Variants in EEF2KMT observed in about 807,000 individuals in gnomAD.
EEF2KMT encodes the protein eukaryotic elongation factor 2 lysine methyltransferase.
Under a neutral mutation model 35.1 loss-of-function variants are expected in EEF2KMT, and 30 were observed. That is an observed-to-expected ratio of 0.85 (90% confidence interval 0.64 to 1.16). EEF2KMT has a LOEUF of 1.16. Among genes scored for constraint, EEF2KMT ranks in the 50% most tolerant of loss-of-function variants. The pLI is 0.00. For synonymous variants in EEF2KMT, 190 were observed against 187.7 expected (o/e 1.01, Z -0.10); for missense variants, 499 against 438.2 (o/e 1.14, Z -1.24).
chr16:5,089,051 C>T (rs369068308), intron 7 of EEF2KMT, 56 bp downstream of exon 7: 77 of 1,608,732 alleles, frequency 4.8e-5, no homozygotes, highest in Admixed American at 2.3e-4. Flanking sequence ...CTTCCACTGG[C>T]GTCCTGCAGG....
chr16:5,096,493 A>C (rs555176679), intron 1 of EEF2KMT, among the ~76,000 whole-genome samples: 31 of 152,206 alleles, frequency 2.0e-4, no homozygotes, highest in Non-Finnish European at 3.8e-4. Context: ...TGTATTTACC[A>C]TGAGCCAGGC....
At position 5,090,949 on chromosome 16, in the gene EEF2KMT, T is replaced by C. The variant is rs1204025304; in HGVS notation, c.343-384A>G. The stretch of plus-strand genomic sequence containing the variant: ...TGTTTTATCTTATTTTTTTTTGAGC[T>C]CTGTCACCCAGGCTGGAGTCAGTGG... On this transcript the variant is annotated intron_variant, in intron 4 of 7. Transcript: ENST00000427587. This position sits in a 1 kb window ranked among gnomAD's most constrained non-coding sequence, Gnocchi z 4.1. Among the ~76,000 whole-genome samples the C allele has an allele frequency of 6.6e-6, 1 of 152,158 alleles. No homozygotes were observed. Among genetic ancestry groups the C allele is most frequent in the Non-Finnish European group, 1.5e-5 (1 of 68,028 alleles).
rs1036350094 is a variant in EEF2KMT, at chr16:5,090,600, G to A, written c.343-35C>T. On this transcript the variant is annotated intron_variant, in intron 4 of 7. Transcript: ENST00000427587. This position sits in a 1 kb window ranked among gnomAD's most constrained non-coding sequence, Gnocchi z 4.1. ...GAGAAGGCGAGAGAGTCAGTCCAGC[G>A]ATCAGAAGGCAAGTGGCTTAGAAGA... is the stretch of plus-strand genomic sequence containing the variant. The A allele has an allele frequency of 7.4e-6, 12 of 1,611,460 alleles. No individual in the cohort carries two copies. Among genetic ancestry groups the A allele is most frequent in the South Asian group, 2.2e-5 (2 of 90,968 alleles).
At chr16:5,092,215 G>GT (rs1317888272) in intron 3 of EEF2KMT, among the ~76,000 whole-genome samples, 2 of 152,146 alleles carry the variant, frequency 1.3e-5, no homozygotes, top group Non-Finnish European at 2.9e-5. Context: ...TGTTGGGAGG[G>GT]TAGGGTTAGG....
intron 7 of EEF2KMT, chr16:5,086,744 C>T (rs1029338602): frequency 6.6e-6 from 1 of 152,222 alleles, no homozygotes; most frequent in African/African-American, 2.4e-5. Flanking sequence ...AATCTCAGCT[C>T]ACTGCAACGC....
intron 1 of EEF2KMT, among the ~76,000 whole-genome samples, chr16:5,096,412 T>C (rs935350894): frequency 6.6e-5 from 10 of 152,224 alleles, no homozygotes; most frequent in Non-Finnish European, 1.5e-4. Flanking sequence ...TGCTGATCCA[T>C]GGTGCCTGGC....
chr16:5,086,387 C>T (rs1361391939), intron 7 of EEF2KMT: 1 of 151,348 alleles, frequency 6.6e-6, no homozygotes, highest in East Asian at 1.9e-4. Context: ...CACACACACA[C>T]AGCTTAGAAG....
intron 7 of EEF2KMT, among the ~76,000 whole-genome samples, chr16:5,088,805 G>A (rs1456768878): frequency 2.0e-5 from 3 of 152,004 alleles, no homozygotes; most frequent in Admixed American, 6.6e-5. Context: ...TGCCCCTCCC[G>A]CCACCTCCAT....
intron 1 of EEF2KMT, among the ~76,000 whole-genome samples, chr16:5,095,998 T>C (rs1957454676): frequency 6.6e-6 from 1 of 152,150 alleles, no homozygotes; most frequent in Non-Finnish European, 1.5e-5. Flanking sequence ...GCTCCCTCCA[T>C]GCCATAAAAG....
chr16:5,093,831 C>T (rs904483814), intron 2 of EEF2KMT, among the ~76,000 whole-genome samples: 1 of 152,214 alleles, frequency 6.6e-6, no homozygotes, highest in African/African-American at 2.4e-5. Context: ...GGGCCCAAAC[C>T]GCCTCCCTCC....
At chr16:5,086,204 G>A (rs1229891464) in intron 7 of EEF2KMT, among the ~76,000 whole-genome samples, 2 of 152,064 alleles carry the variant, frequency 1.3e-5, no homozygotes, top group Non-Finnish European at 2.9e-5. Context: ...GCATGATGGC[G>A]AGTGCCTGTA....
chr16:5,090,439 T>C lies in EEF2KMT; in HGVS notation c.469A>G (p.Thr157Ala). The change falls in exon 5 of 8, where the codon ACT becomes GCT. Residue 157 changes from threonine to alanine, a missense_variant. By Grantham distance (58) the Thr-to-Ala change is moderately conservative. Coordinates refer to ENST00000427587, the MANE Select transcript of EEF2KMT (RefSeq NM_201400.4). This position sits in a 1 kb window ranked among gnomAD's most constrained non-coding sequence, Gnocchi z 4.1. ...EWAIENPAVF[T>A]NRTVLELGSG... ...CCTGCGCCCCGAGGTCACCTGTTAG[T>C]GAAGACTGCCGGGTTCTCGATGGCC... 1 of 1,611,864 alleles carries C rather than the reference T, an allele frequency of 6.2e-7. No individual in the cohort carries two copies.
chr16:5,096,683 C>G (rs1439357533), intron 1 of EEF2KMT, among the ~76,000 whole-genome samples: 1 of 152,206 alleles, frequency 6.6e-6, no homozygotes, highest in African/African-American at 2.4e-5. Context: ...TGGGTCTGAA[C>G]TCTCAACTAC....
chr16:5,085,454 C>A lies in EEF2KMT; in HGVS notation c.*178G>T. ...ACCAGAACTGCTGGCAGAAAGGGGGCACCCACACGCTTAGATAGCCGATGT... is the reference window on the plus strand; with the variant it reads ...ACCAGAACTGCTGGCAGAAAGGGGGAACCCACACGCTTAGATAGCCGATGT... On this transcript the variant is annotated 3_prime_UTR_variant, in exon 8 of 8. Transcript: ENST00000427587. 1.6e-6 allele frequency: 1 copy of A among 616,194 alleles called. No individual in the cohort carries two copies. The highest frequency in any genetic ancestry group is 2.9e-5 in the East Asian group (1 of 34,930). The allele number at this position is 616,194 out of a possible 1,614,324, so 38.2% of individuals were successfully genotyped here. A position where few individuals can be genotyped will look rare whatever the true frequency, so the allele number is the denominator to read the frequency against.
intron 2 of EEF2KMT, 91 bp from the exon 3 acceptor site, chr16:5,093,655 G>T (rs972361776): frequency 6.3e-7 from 1 of 1,585,064 alleles, no homozygotes; most frequent in African/African-American, 1.3e-5. Flanking sequence ...CAAACTCCAG[G>T]CTACCCGATC....
At chr16:5,092,749 G>C (rs1957367428) in intron 3 of EEF2KMT, among the ~76,000 whole-genome samples, 1 of 152,178 alleles carries the variant, frequency 6.6e-6, no homozygotes, top group Admixed American at 6.5e-5. Flanking sequence ...GATCACCTGA[G>C]GTCAGGAGTT....
chr16:5,097,615 C>G (rs2142793181), intron 1 of EEF2KMT, 29 bp downstream of exon 1: 2 of 1,539,828 alleles, frequency 1.3e-6, no homozygotes, highest in African/African-American at 1.4e-5. Context: ...GCGAGCCCCG[C>G]GGGCCTCTCC....
rs1168624033 is a variant in EEF2KMT at position 5,097,469 on chromosome 16, T to G, written c.96+175A>C. Reference sequence around the variant, plus strand: ...CCGCCAGCTCGCGGGGCAGGAGGGGTGCGAGCGACTCTGGCCAGGCCCCAG... The same window carrying G: ...CCGCCAGCTCGCGGGGCAGGAGGGGGGCGAGCGACTCTGGCCAGGCCCCAG... On this transcript the variant is annotated intron_variant, in intron 1 of 7. Coordinates refer to ENST00000427587, the MANE Select transcript of EEF2KMT (RefSeq NM_201400.4). The G allele has an allele frequency of 2.1e-6, 3 of 1,404,788 alleles. No homozygotes were observed. The East Asian group carries it at 7.6e-5, about 36-fold the overall frequency. The allele number at this position is 1,404,788 out of a possible 1,614,324, so 87.0% of individuals were successfully genotyped here.
chr16:5,092,599 C>G (rs1448606800), intron 3 of EEF2KMT, among the ~76,000 whole-genome samples: 1 of 152,228 alleles, frequency 6.6e-6, no homozygotes, highest in Non-Finnish European at 1.5e-5. Flanking sequence ...CTCAGCAGGT[C>G]TGCTACTGCC....
Sources: gnomAD v4.1 joint callset for allele counts (sites outside exome capture counted in the v4.1 genomes callset) on GRCh38, gnomAD v4.1.1 for gene constraint, Gnocchi (gnomAD v3.1) non-coding constraint, MANE v1.5 for transcripts, NCBI Gene and HGNC (gene_info 2026-07-23, HGNC 2026-07-21) for gene names.